The following CYYR1 variants were observed in gnomAD, a reference collection of about 807,000 sequenced individuals.
CYYR1 encodes the protein cysteine and tyrosine rich 1, also known as cysteine and tyrosine-rich protein 1.
CYYR1 carries 14 observed loss-of-function variants against 15.2 expected under a neutral mutation model. The observed-to-expected ratio is 0.92, with a 90% CI of 0.61 to 1.44. The LOEUF is 1.44. Among genes scored for constraint, CYYR1 ranks in the 40% most tolerant of loss-of-function variants. CYYR1 has a pLI of 0.00. For synonymous variants in CYYR1, 80 were observed against 77.4 expected (o/e 1.03, Z -0.18); for missense variants, 228 against 209.5 (o/e 1.09, Z -0.54).
At chr21:26,476,463 T>C (rs929186398) in intron 3 of CYYR1, among the ~76,000 whole-genome samples, 6 of 152,174 alleles carry the variant, frequency 3.9e-5, no homozygotes, top group Admixed American at 3.9e-4. Flanking sequence ...TAACTCTTTC[T>C]GTATGATGGT....
intron 2 of CYYR1, among the ~76,000 whole-genome samples, chr21:26,532,879 T>C (rs1169476267): frequency 6.6e-6 from 1 of 152,142 alleles, no homozygotes; most frequent in African/African-American, 2.4e-5. Context: ...AACTGTTTCA[T>C]GCACAAAATT....
At chr21:26,521,324 T>A (rs779683469) in intron 2 of CYYR1, among the ~76,000 whole-genome samples, 1 of 152,250 alleles carries the variant, frequency 6.6e-6, no homozygotes, top group Non-Finnish European at 1.5e-5. Flanking sequence ...TAACCCATCA[T>A]GCTAACCAGC....
At chr21:26,539,854 T>C (rs1189288420) in intron 2 of CYYR1, among the ~76,000 whole-genome samples, 1 of 152,224 alleles carries the variant, frequency 6.6e-6, no homozygotes, top group Non-Finnish European at 1.5e-5. Context: ...ATTCAACCTA[T>C]GTTATTTAAC....
rs1274942458 is a variant in CYYR1, at chr21:26,513,571, T to A, written c.177-33142A>T. Among the ~76,000 whole-genome samples the A allele has an allele frequency of 2.0e-5, 3 of 152,032 alleles. No individual in the cohort carries two copies. The East Asian group carries it at 5.8e-4, about 29-fold the overall frequency. The stretch of plus-strand genomic sequence containing the variant: ...ACAAACCCAGGACCCAATCCAGAAG[T>A]AGGCAATACTGTGGAGACTAGTCAA... On this transcript the variant is annotated intron_variant, in intron 2 of 3. Coordinates refer to ENST00000652641, the MANE Select transcript of CYYR1 (RefSeq NM_001320768.2).
chr21:26,510,375 G>A (rs1390434397), intron 2 of CYYR1, among the ~76,000 whole-genome samples: 4 of 152,202 alleles, frequency 2.6e-5, no homozygotes, highest in African/African-American at 7.2e-5. Context: ...CCTAGCCAGT[G>A]AGGTAGGGAG....
intron 2 of CYYR1, 53 bp downstream of exon 2, chr21:26,566,213 A>G (rs1313062468): frequency 7.6e-7 from 1 of 1,309,496 alleles, no homozygotes; most frequent in African/African-American, 1.5e-5. Flanking sequence ...ACATAACTGG[A>G]CAACTGGACA....
chr21:26,494,075 G>A (rs1398961190), intron 2 of CYYR1, among the ~76,000 whole-genome samples: 1 of 152,118 alleles, frequency 6.6e-6, no homozygotes, highest in Non-Finnish European at 1.5e-5. Flanking sequence ...TCTTTGTGCA[G>A]TTGGAATCTA....
At chr21:26,563,920 A>G (rs549189759) in intron 2 of CYYR1, among the ~76,000 whole-genome samples, 2 of 152,218 alleles carry the variant, frequency 1.3e-5, no homozygotes, top group South Asian at 4.1e-4. Flanking sequence ...ACCAAATTAT[A>G]AAAATATTCA....
rs1053266657 is a variant in CYYR1 at position 26,573,267 on chromosome 21, C to A, written c.-327G>T. The A allele has an allele frequency of 1.5e-6, 2 of 1,324,868 alleles. No homozygotes were observed. The highest frequency in any genetic ancestry group is 2.0e-6 in the Non-Finnish European group (2 of 1,021,380). 82.1% of individuals were successfully genotyped at this position (1,324,868 alleles called of 1,614,324 possible). A position where few individuals can be genotyped will look rare whatever the true frequency, so the allele number is the denominator to read the frequency against. ...GGCCACCCAGGCTCACATTTCATCT[C>A]CGCGGGTGGCAACGACTGCGGGCAG... On this transcript the variant is annotated 5_prime_UTR_variant, in exon 1 of 4. Transcript: ENST00000652641.
In CYYR1 at chr21:26,468,497, T is replaced by G; in HGVS notation, c.*4A>C. 2 of 1,520,614 alleles carry G rather than the reference T, an allele frequency of 1.3e-6. No individual in the cohort carries two copies. Among genetic ancestry groups the G allele is most frequent in the Non-Finnish European group, 1.8e-6 (2 of 1,094,632 alleles). The allele number at this position is 1,520,614 out of a possible 1,614,324, so 94.2% of individuals were successfully genotyped here. ...TTGGCACATGTTCTGTTCTGGGAGATAGATTATTTCCTTGCGTTTCCAGGA... is the reference window on the plus strand; with the variant it reads ...TTGGCACATGTTCTGTTCTGGGAGAGAGATTATTTCCTTGCGTTTCCAGGA... On this transcript the variant is annotated 3_prime_UTR_variant, in exon 4 of 4. Coordinates refer to ENST00000652641, the MANE Select transcript of CYYR1 (RefSeq NM_001320768.2).
At chr21:26,474,564 T>C (rs1312666615) in intron 3 of CYYR1, among the ~76,000 whole-genome samples, 2 of 152,130 alleles carry the variant, frequency 1.3e-5, no homozygotes, top group African/African-American at 4.8e-5. Context: ...TGGTGTGTCC[T>C]ACCCCAAACT....
chr21:26,554,020 T>G (rs2123693410), intron 2 of CYYR1, among the ~76,000 whole-genome samples: 1 of 152,354 alleles, frequency 6.6e-6, no homozygotes, highest in South Asian at 2.1e-4. Context: ...CAAATGTAGG[T>G]TATGCACAAT....
intron 2 of CYYR1, among the ~76,000 whole-genome samples, chr21:26,489,032 G>A (rs178422): frequency 0.84 from 127,905 of 152,126 alleles, 54,630 homozygotes; most frequent in Non-Finnish European, 0.9. Context: ...TTAAACAAAA[G>A]CAAATATTTA....
chr21:26,480,334 T>C lies in CYYR1; in HGVS notation c.272A>G (p.His91Arg). 6.2e-7 allele frequency: 1 copy of C among 1,613,658 alleles called. No homozygotes were observed. The highest frequency in any genetic ancestry group is 8.5e-7 in the Non-Finnish European group (1 of 1,179,714). The change falls in exon 3 of 4, where the codon CAC becomes CGC. Residue 91 changes from histidine to arginine, a missense_variant. Transcript: ENST00000652641. ...AICICMCMKN[H>R]RATRVGILRT... ...GAGGATGCCCACGCGGGTCGCCCTGTGGTTCTTCATGCACATGCAGATGCA... is the reference window on the plus strand; with the variant it reads ...GAGGATGCCCACGCGGGTCGCCCTGCGGTTCTTCATGCACATGCAGATGCA...
chr21:26,497,188 G>C (rs974604128), intron 2 of CYYR1, among the ~76,000 whole-genome samples: 1 of 151,964 alleles, frequency 6.6e-6, no homozygotes, highest in Non-Finnish European at 1.5e-5. Context: ...GATTTAATTC[G>C]ATAAGGGGCC....
At chr21:26,510,469 T>C (rs1261298969) in intron 2 of CYYR1, among the ~76,000 whole-genome samples, 2 of 152,190 alleles carry the variant, frequency 1.3e-5, no homozygotes, top group Non-Finnish European at 2.9e-5. Context: ...TAACAAACAC[T>C]TAAGATTACC....
At chr21:26,506,537 A>G (rs775006127) in intron 2 of CYYR1, 1 of 152,208 alleles carries the variant, frequency 6.6e-6, no homozygotes, top group African/African-American at 2.4e-5. Flanking sequence ...CTCAAACTCA[A>G]CTTTCCTGAA....
intron 2 of CYYR1, among the ~76,000 whole-genome samples, chr21:26,510,295 A>T (rs949538261): frequency 1.3e-5 from 2 of 152,202 alleles, no homozygotes; most frequent in African/African-American, 4.8e-5. Flanking sequence ...AATATTTATA[A>T]AGTTATCTCA....
chr21:26,533,682 T>C (rs2065961084), intron 2 of CYYR1, among the ~76,000 whole-genome samples: 1 of 152,158 alleles, frequency 6.6e-6, no homozygotes, highest in Non-Finnish European at 1.5e-5. Flanking sequence ...GAGTATCCCT[T>C]AGCCCAGTCA....
Sources: gnomAD v4.1 joint callset for allele counts (sites outside exome capture counted in the v4.1 genomes callset) on GRCh38, gnomAD v4.1.1 for gene constraint, MANE v1.5 for transcripts, NCBI Gene and HGNC (gene_info 2026-07-23, HGNC 2026-07-21) for gene names.